ZFP64: variants seen among roughly 807,000 people sequenced by gnomAD.
The protein encoded by ZFP64 is zinc finger protein 64.
Under a neutral mutation model 51.6 loss-of-function variants are expected in ZFP64, and 14 were observed. The observed-to-expected ratio is 0.27, with a 90% CI of 0.18 to 0.42. The LOEUF (loss-of-function observed/expected upper bound fraction) is 0.42. Among genes scored for constraint, ZFP64 ranks in the 10% least tolerant of loss-of-function variants. ZFP64 has a pLI of 1.00. For missense variants in ZFP64, 754 were observed against 906.8 expected (o/e 0.83, Z 2.16); for synonymous variants, 375 against 361.4 (o/e 1.04, Z -0.43).
At chr20:52,167,373 G>A (rs1488361586) in intron 2 of ZFP64, among the ~76,000 whole-genome samples, 3 of 151,922 alleles carry the variant, frequency 2.0e-5, no homozygotes, top group Admixed American at 6.6e-5. Context: ...AAATAAAATT[G>A]TAAAAGATAA....
chr20:52,157,651 C>T (rs1050400825), intron 5 of ZFP64, among the ~76,000 whole-genome samples: 5 of 152,150 alleles, frequency 3.3e-5, no homozygotes, highest in Admixed American at 6.5e-5. Flanking sequence ...AAATGCCTCC[C>T]GTTCTTCTAT....
intron 5 of ZFP64, among the ~76,000 whole-genome samples, chr20:52,139,848 G>GTTT (rs555986732): frequency 1.5e-5 from 2 of 129,844 alleles, no homozygotes. Flanking sequence ...GCGCTGAGTT[G>GTTT]TTTTTTTTTT....
At chr20:52,115,298 C>G (rs1417132885) in intron 5 of ZFP64, among the ~76,000 whole-genome samples, 1 of 150,608 alleles carries the variant, frequency 6.6e-6, no homozygotes, top group Non-Finnish European at 1.5e-5. Context: ...GCAAGGCCCA[C>G]ATAGATATAT....
intron 7 of ZFP64, chr20:52,096,941 G>A: frequency 2.3e-6 from 1 of 442,826 alleles, no homozygotes; most frequent in Non-Finnish European, 4.5e-6. Flanking sequence ...GCACCCTACA[G>A]TCCCTGTAAC....
intron 7 of ZFP64, among the ~76,000 whole-genome samples, chr20:52,091,093 T>C (rs1036230422): frequency 2.0e-5 from 3 of 152,120 alleles, no homozygotes; most frequent in African/African-American, 7.2e-5. Context: ...AACTTGTCTC[T>C]ATGAAACGAA....
chr20:52,119,576 A>AACACACACACACACATACATACAC (rs1979071827), intron 5 of ZFP64, among the ~76,000 whole-genome samples: 20 of 132,554 alleles, frequency 1.5e-4, no homozygotes, highest in South Asian at 9.4e-4. Context: ...ATACACACAC[A>AACACACACACACACATACATACAC]ACACACACAC....
At chr20:52,105,061 C>T in intron 5 of ZFP64, 2 of 1,393,312 alleles carry the variant, frequency 1.4e-6, no homozygotes, top group Non-Finnish European at 1.9e-6. Context: ...GTCCTCGTAC[C>T]CGCGCGGGTC....
intron 8 of ZFP64, chr20:52,088,305 AT>A (rs2078885388): frequency 1.9e-6 from 3 of 1,553,970 alleles, no homozygotes; most frequent in South Asian, 2.4e-5. Context: ...ACACCAAGTC[AT>A]TTAAGTTGCT....
intron 2 of ZFP64, among the ~76,000 whole-genome samples, chr20:52,172,042 C>T (rs546823695): frequency 4.6e-5 from 7 of 152,264 alleles, no homozygotes; most frequent in African/African-American, 9.6e-5. Context: ...CCACCGCGCC[C>T]GACCAACTGG....
chr20:52,106,834 C>T (rs1978322393), intron 5 of ZFP64, among the ~76,000 whole-genome samples: 1 of 152,220 alleles, frequency 6.6e-6, no homozygotes, highest in Admixed American at 6.5e-5. Flanking sequence ...CGGTAGCTCA[C>T]TCCTGTAATC....
chr20:52,106,052 A>G (rs113096613), intron 5 of ZFP64, among the ~76,000 whole-genome samples: 1,752 of 152,290 alleles, frequency 0.012, 27 homozygotes, highest in African/African-American at 0.039. Context: ...CCGAGGCCAG[A>G]AATGTGTGTT....
At chr20:52,117,058 A>C (rs1978911145) in intron 5 of ZFP64, among the ~76,000 whole-genome samples, 1 of 151,160 alleles carries the variant, frequency 6.6e-6, no homozygotes, top group African/African-American at 2.4e-5. Flanking sequence ...GTGACAGAGC[A>C]AGACTCTGTC....
At chr20:52,105,382 A>T in intron 5 of ZFP64, 6 of 1,236,728 alleles carry the variant, frequency 4.9e-6, no homozygotes, top group Non-Finnish European at 6.1e-6. Flanking sequence ...CGATTTATCA[A>T]GAGTCCTGAC....
chr20:52,158,278 A>G (rs1166629670), intron 5 of ZFP64, among the ~76,000 whole-genome samples: 8 of 152,140 alleles, frequency 5.3e-5, no homozygotes, highest in African/African-American at 1.9e-4. Flanking sequence ...CCATATCCAG[A>G]CCCAAGGGAG....
chr20:52,097,741 T>G (rs1195195504), intron 6 of ZFP64, among the ~76,000 whole-genome samples: 5 of 152,084 alleles, frequency 3.3e-5, no homozygotes, highest in African/African-American at 1.2e-4. Context: ...ATTACAGGTG[T>G]GAGCCACCAT....
At chr20:52,134,147 T>A (rs1030308091) in intron 5 of ZFP64, among the ~76,000 whole-genome samples, 1 of 151,620 alleles carries the variant, frequency 6.6e-6, no homozygotes, top group Non-Finnish European at 1.5e-5. Context: ...AAATTGAGGA[T>A]CCCTCCGCTC....
intron 8 of ZFP64, chr20:52,088,368 G>C (rs765364240): frequency 1.2e-6 from 2 of 1,610,080 alleles, no homozygotes; most frequent in East Asian, 2.2e-5. Context: ...GTAAGGGATT[G>C]AGGTTTCCTG....
At chr20:52,178,760 G>A (rs948408825) in intron 2 of ZFP64, among the ~76,000 whole-genome samples, 4 of 151,962 alleles carry the variant, frequency 2.6e-5, no homozygotes, top group Non-Finnish European at 4.4e-5. Flanking sequence ...TTCAAAGCCG[G>A]TTATACATTT....
In ZFP64 at chr20:52,191,180, C is replaced by A. The variant is rs1156444088; in HGVS notation, c.46+411G>T. Among the ~76,000 whole-genome samples, 4 of 152,196 alleles carry A rather than the reference C, an allele frequency of 2.6e-5. No homozygotes were observed. Among genetic ancestry groups the A allele is most frequent in the African/African-American group, 9.6e-5 (4 of 41,462 alleles). ...CCTGGTGATTCCCCCAATCTCCAGG[C>A]TCTAATTTTGAGCCACTGAGGCAGA... On this transcript the variant is annotated intron_variant, in intron 1 of 5. Coordinates refer to ENST00000216923, the MANE Select transcript of ZFP64 (RefSeq NM_018197.3). The surrounding 1 kb of genome is among the most constrained non-coding windows in gnomAD (Gnocchi z 4.3).
Sources: gnomAD v4.1 joint callset for allele counts (sites outside exome capture counted in the v4.1 genomes callset) on GRCh38, gnomAD v4.1.1 for gene constraint, Gnocchi (gnomAD v3.1) non-coding constraint, MANE v1.5 for transcripts, NCBI Gene and HGNC (gene_info 2026-07-23, HGNC 2026-07-21) for gene names.